Variants in DGKB observed in about 807,000 individuals in gnomAD.
The protein encoded by DGKB is diacylglycerol kinase beta.
In DGKB, 67 loss-of-function variants were observed where a neutral mutation model predicts 114.3. That is an observed-to-expected ratio of 0.59 (90% CI 0.48 to 0.72). The LOEUF is 0.72. Ranked by LOEUF, DGKB falls within the 30% of genes least tolerant of loss-of-function variation. The pLI is 0.00. For synonymous variants in DGKB, 398 were observed against 323.1 expected (o/e 1.23, Z -2.49); for missense variants, 907 against 975.2 (o/e 0.93, Z 0.93).
chr7:14,955,227 C>T (rs1786434730), intron 1 of DGKB, among the ~76,000 whole-genome samples: 1 of 151,890 alleles, frequency 6.6e-6, no homozygotes, highest in Admixed American at 6.6e-5. Flanking sequence ...TAGGGCAGAA[C>T]CAAGATTTTG....
intron 25 of DGKB, among the ~76,000 whole-genome samples, chr7:14,157,557 T>C (rs1317621757): frequency 3.9e-5 from 6 of 152,144 alleles, no homozygotes; most frequent in Admixed American, 3.3e-4. Flanking sequence ...AGTTTAAATA[T>C]GTATGGAAAA....
intron 21 of DGKB, among the ~76,000 whole-genome samples, chr7:14,471,079 G>T (rs1781217375): frequency 6.6e-6 from 1 of 150,416 alleles, no homozygotes; most frequent in Non-Finnish European, 1.5e-5. Context: ...ACTCTAGTCT[G>T]TGGGCTTTTC....
chr7:14,822,867 A>C (rs972934148), intron 2 of DGKB, among the ~76,000 whole-genome samples: 1 of 152,100 alleles, frequency 6.6e-6, no homozygotes, highest in Non-Finnish European at 1.5e-5. Flanking sequence ...TGATTATGAC[A>C]ATCTATTTCT....
intron 20 of DGKB, among the ~76,000 whole-genome samples, chr7:14,490,081 T>C (rs549406914): frequency 6.6e-6 from 1 of 152,280 alleles, no homozygotes; most frequent in African/African-American, 2.4e-5. Flanking sequence ...AGTACAATTA[T>C]ATAGTTTTTA....
chr7:14,391,797 G>T (rs1821362142), intron 21 of DGKB, among the ~76,000 whole-genome samples: 1 of 152,142 alleles, frequency 6.6e-6, no homozygotes, highest in Non-Finnish European at 1.5e-5. Context: ...GTGTTCACAT[G>T]CTTAAAGTTA....
chr7:14,829,815 T>C (rs1234789541), intron 2 of DGKB, among the ~76,000 whole-genome samples: 1 of 152,006 alleles, frequency 6.6e-6, no homozygotes, highest in East Asian at 1.9e-4. Flanking sequence ...AGACAAAACA[T>C]ATTATTAATT....
intron 21 of DGKB, among the ~76,000 whole-genome samples, chr7:14,347,465 C>A (rs532486498): frequency 6.6e-6 from 1 of 152,038 alleles, no homozygotes; most frequent in South Asian, 2.1e-4. Context: ...GAAATGAAAT[C>A]AATACCTCAA....
intron 23 of DGKB, among the ~76,000 whole-genome samples, chr7:14,207,019 AT>A (rs1786937402): frequency 6.6e-6 from 1 of 152,000 alleles, no homozygotes; most frequent in South Asian, 2.1e-4. Context: ...ATAACTTTTA[AT>A]TAATCTTTTA....
chr7:14,337,975 T>A (rs999319946), intron 23 of DGKB, among the ~76,000 whole-genome samples: 1 of 152,070 alleles, frequency 6.6e-6, no homozygotes, highest in African/African-American at 2.4e-5. Context: ...GTTTCCCAGG[T>A]CTCCTACTTG....
At chr7:14,702,349 C>G (rs569636209) in intron 6 of DGKB, among the ~76,000 whole-genome samples, 1 of 152,108 alleles carries the variant, frequency 6.6e-6, no homozygotes, top group African/African-American at 2.4e-5. Context: ...ATAACAGGTT[C>G]TTTCTGATGG....
chr7:14,321,453 G>T (rs1428025775), intron 23 of DGKB, among the ~76,000 whole-genome samples: 1 of 151,884 alleles, frequency 6.6e-6, no homozygotes, highest in Non-Finnish European at 1.5e-5. Flanking sequence ...ACCTGAAAAG[G>T]TGTATCCATA....
intron 2 of DGKB, among the ~76,000 whole-genome samples, chr7:14,790,947 T>C (rs1840584281): frequency 6.6e-6 from 1 of 152,148 alleles, no homozygotes; most frequent in African/African-American, 2.4e-5. Flanking sequence ...AATTGTATAT[T>C]GATCAATTTA....
At chr7:14,489,594 C>G (rs750669937) in intron 20 of DGKB, among the ~76,000 whole-genome samples, 2 of 152,084 alleles carry the variant, frequency 1.3e-5, no homozygotes, top group Non-Finnish European at 2.9e-5. Context: ...TTTGAATACC[C>G]AAGGGTTTGA....
chr7:14,150,876 T>C (rs942331453), intron 25 of DGKB, among the ~76,000 whole-genome samples: 1 of 152,042 alleles, frequency 6.6e-6, no homozygotes, highest in Non-Finnish European at 1.5e-5. Flanking sequence ...TTCACAAAAT[T>C]TGTTCAGCCC....
At chr7:14,549,562 TC>T (rs1304009804) in intron 20 of DGKB, among the ~76,000 whole-genome samples, 1 of 152,176 alleles carries the variant, frequency 6.6e-6, no homozygotes, top group African/African-American at 2.4e-5. Flanking sequence ...AAATTCTGGT[TC>T]AGTATTCAAA....
intron 1 of DGKB, among the ~76,000 whole-genome samples, chr7:14,948,331 TGTTTTGTC>T (rs1285271701): frequency 6.6e-6 from 1 of 151,864 alleles, no homozygotes; most frequent in African/African-American, 2.4e-5. Context: ...ATTTAAATCA[TGTTTTGTC>T]AGACACAACT....
intron 13 of DGKB, among the ~76,000 whole-genome samples, chr7:14,661,739 TA>T (rs1817129386): frequency 1.3e-5 from 2 of 151,546 alleles, no homozygotes; most frequent in Admixed American, 6.6e-5. Flanking sequence ...CATGCTGCTA[TA>T]AAGACACATG....
chr7:14,168,758 A>T (rs576844981), intron 25 of DGKB, among the ~76,000 whole-genome samples: 1 of 152,352 alleles, frequency 6.6e-6, no homozygotes, highest in South Asian at 2.1e-4. Flanking sequence ...TGTGAATTGG[A>T]ATGCTGTTAA....
intron 1 of DGKB, among the ~76,000 whole-genome samples, chr7:14,870,044 A>C (rs1021536783): frequency 6.6e-6 from 1 of 152,110 alleles, no homozygotes; most frequent in African/African-American, 2.4e-5. Flanking sequence ...CCAGAGTTGC[A>C]TCTTGGGTGT....
Sources: allele counts gnomAD v4.1 joint callset (sites outside exome capture counted in the v4.1 genomes callset), GRCh38; gene constraint gnomAD v4.1.1; transcripts MANE v1.5; gene names NCBI Gene and HGNC (gene_info 2026-07-23, HGNC 2026-07-21).